Variants in NSD1 observed in about 807,000 individuals in gnomAD.
The protein encoded by NSD1 is nuclear receptor binding SET domain protein 1.
Under a neutral mutation model 242.7 loss-of-function variants are expected in NSD1, and 26 were observed. That is an observed-to-expected ratio of 0.11 (90% CI 0.08 to 0.15). NSD1 has a LOEUF of 0.15. Ranked by LOEUF, NSD1 falls within the 10% of genes least tolerant of loss-of-function variation. The pLI, the probability that NSD1 is intolerant of heterozygous loss-of-function variation, is 1.00. For synonymous variants in NSD1, 1,106 were observed against 1,178.1 expected (o/e 0.94, Z 1.25); for missense variants, 2,495 against 3,272.8 (o/e 0.76, Z 5.80).
intron 12 of NSD1, among the ~76,000 whole-genome samples, chr5:177,253,086 G>A (rs1362102380): frequency 2.6e-5 from 4 of 152,132 alleles, no homozygotes; most frequent in Non-Finnish European, 4.4e-5. Flanking sequence ...AAGATACTAA[G>A]GAGGTTCTGG....
intron 8 of NSD1, among the ~76,000 whole-genome samples, chr5:177,243,351 A>G (rs1251287472): frequency 6.6e-6 from 1 of 151,762 alleles, no homozygotes; most frequent in Non-Finnish European, 1.5e-5. Context: ...CACCTAGCTA[A>G]TTTTTGTATA....
intron 17 of NSD1, among the ~76,000 whole-genome samples, chr5:177,275,654 C>T (rs982904049): frequency 4.6e-5 from 7 of 151,692 alleles, no homozygotes; most frequent in Admixed American, 3.3e-4. Context: ...AGGATGGTCT[C>T]GATCTCCTGA....
chr5:177,265,057 C>G, intron 14 of NSD1: 2 of 758,184 alleles, frequency 2.6e-6, no homozygotes, highest in Middle Eastern at 2.6e-4. Flanking sequence ...TTAAGCACTC[C>G]TAAGAGCCAA....
chr5:177,294,992 C>T lies in NSD1; in HGVS notation c.7624C>T (p.Pro2542Ser), dbSNP rs1760151707. Residue 2542 changes from proline (P) to serine (S), a missense_variant, in exon 23 of 23, where the codon CCT becomes TCT. Around this residue, in one of 19 missense-constraint regions of NSD1, gnomAD observed 475 missense variants for 563.7 expected, o/e 0.84. Transcript: ENST00000439151. The part of the protein sequence containing the change: ...SLTQARLLSQ[P>S]PAKAFLYEPT... ...CACCCAGGCCAGACTTCTTTCTCAG[C>T]CTCCTGCCAAGGCCTTTTTATATGA... is the stretch of plus-strand genomic sequence containing the variant. The T allele has an allele frequency of 6.2e-7, 1 of 1,614,142 alleles. No homozygotes were observed. Among genetic ancestry groups the T allele is most frequent in the Non-Finnish European group, 8.5e-7 (1 of 1,180,044 alleles).
At position 177,246,663 on chromosome 5, in the gene NSD1, A is replaced by G. The variant is rs143520065; in HGVS notation, c.4379-15A>G. On this transcript the variant is annotated splice_polypyrimidine_tract_variant and intron_variant, in intron 9 of 22. Transcript: ENST00000439151. The stretch of plus-strand genomic sequence containing the variant: ...TGTTAGTAGCCAGCAGTTAACACCT[A>G]TTTTCCTGTCATAGGCACTACCAAG... 96 of 1,584,710 alleles carry G rather than the reference A, an allele frequency of 6.1e-5. No individual in the cohort carries two copies. The African/African-American group carries it at 1.1e-3, about 19-fold the overall frequency.
At chr5:177,204,415 G>T in intron 4 of NSD1, 123 bp downstream of exon 4, 3 of 902,718 alleles carry the variant, frequency 3.3e-6, no homozygotes, top group Non-Finnish European at 5.2e-6. Flanking sequence ...GTACAGTGGT[G>T]CAATCTTTGT....
At chr5:177,244,509 G>C (rs971000877) in intron 9 of NSD1, among the ~76,000 whole-genome samples, 1 of 152,146 alleles carries the variant, frequency 6.6e-6, no homozygotes. Context: ...CAGAGAGTTA[G>C]GTTATTATCT....
At chr5:177,142,679 T>G (rs1756924654) in intron 2 of NSD1, among the ~76,000 whole-genome samples, 1 of 152,200 alleles carries the variant, frequency 6.6e-6, no homozygotes, top group Non-Finnish European at 1.5e-5. Context: ...GCCCTCAGTT[T>G]CTCCCTTTAT....
At chr5:177,198,457 G>A (rs1373691472) in intron 3 of NSD1, among the ~76,000 whole-genome samples, 3 of 152,138 alleles carry the variant, frequency 2.0e-5, no homozygotes, top group Non-Finnish European at 2.9e-5. Context: ...GGCAGAGAGC[G>A]AAAGTACTCA....
At chr5:177,239,292 CTCTAT>C (rs1269351997) in intron 7 of NSD1, among the ~76,000 whole-genome samples, 1 of 152,184 alleles carries the variant, frequency 6.6e-6, no homozygotes, top group Non-Finnish European at 1.5e-5. Flanking sequence ...TGTGCCAAAA[CTCTAT>C]TAAGTCAGCT....
In NSD1 at chr5:177,191,906, C is replaced by T. The variant is rs967342981; in HGVS notation, c.950C>T (p.Thr317Met). The T allele has an allele frequency of 6.8e-6, 11 of 1,613,924 alleles. No homozygotes were observed. Among genetic ancestry groups the T allele is most frequent in the African/African-American group, 2.7e-5 (2 of 74,910 alleles). Reference sequence around the variant, plus strand: ...AAGTGTCAACCTAAGAAAAAGTCTACGCCACTGAAGTATGAAGTTGGAGAT... The same window carrying T: ...AAGTGTCAACCTAAGAAAAAGTCTATGCCACTGAAGTATGAAGTTGGAGAT... ...LPFCQPKKKS[T>M]PLKYEVGDLI... is the part of the protein sequence containing the mutation. The change falls in exon 3 of 23, where the codon ACG becomes ATG. Residue 317 changes from threonine to methionine, a missense_variant. This residue lies in a region of NSD1 where 376 missense variants were observed against 367.4 expected (regional missense o/e 1.02). Transcript: ENST00000439151.
intron 14 of NSD1, among the ~76,000 whole-genome samples, chr5:177,262,868 T>A (rs1355698419): frequency 1.3e-5 from 2 of 152,246 alleles, no homozygotes; most frequent in African/African-American, 4.8e-5. Flanking sequence ...CAGAAAGTCA[T>A]CCCTATGCTC....
At chr5:177,258,645 A>T (rs995535410) in intron 13 of NSD1, among the ~76,000 whole-genome samples, 4 of 151,174 alleles carry the variant, frequency 2.6e-5, no homozygotes. Context: ...AAATGATTCT[A>T]CTGTCTCAGC....
intron 16 of NSD1, among the ~76,000 whole-genome samples, chr5:177,273,187 G>A (rs575422553): frequency 6.6e-6 from 1 of 152,080 alleles, no homozygotes; most frequent in Non-Finnish European, 1.5e-5. Context: ...AAGTCATTTA[G>A]TTGTTTATTG....
rs1353450334 is a variant in NSD1, at chr5:177,209,892, G to A, written c.1493G>A (p.Arg498Gln). The A allele has an allele frequency of 3.7e-6, 6 of 1,613,990 alleles. No individual in the cohort carries two copies. Among genetic ancestry groups the A allele is most frequent in the East Asian group, 2.2e-5 (1 of 44,894 alleles). The change falls in exon 5 of 23, where the codon CGA becomes CAA. Residue 498 changes from arginine (R) to glutamine (Q), a missense_variant. Around this residue, in one of 19 missense-constraint regions of NSD1, gnomAD observed 515 missense variants for 467.0 expected, o/e 1.10. Transcript: ENST00000439151. ...DEKEKPCAKSRARKSSDNPKR... is the reference protein window; with the variant it reads ...DEKEKPCAKSQARKSSDNPKR... Reference sequence around the variant, plus strand: ...AAGGAAAAGCCTTGCGCTAAATCTCGAGCCAGAAAGAGCTCTGATAATCCA... The same window carrying A: ...AAGGAAAAGCCTTGCGCTAAATCTCAAGCCAGAAAGAGCTCTGATAATCCA...
chr5:177,250,236 T>G (rs1451878215), intron 11 of NSD1, among the ~76,000 whole-genome samples: 2 of 152,242 alleles, frequency 1.3e-5, no homozygotes, highest in African/African-American at 4.8e-5. Flanking sequence ...AACAACAGTC[T>G]TAATCCTCAA....
Position 177,283,894 on chromosome 5 carries a change from T to C in NSD1, c.6117T>C (p.Arg2039=), listed in dbSNP as rs1307127304. Residue 2039 remains arginine (R), a synonymous_variant, in exon 20 of 23, where the codon CGT becomes CGC. Transcript: ENST00000439151. ...TQKWSVNGDT[R]VGLFALSDIK... The stretch of plus-strand genomic sequence containing the variant: ...AGTGGTCTGTGAATGGAGATACCCG[T>C]GTAGGCCTTTTTGCACTAAGTGACA... 3 of 1,614,076 alleles carry C rather than the reference T, an allele frequency of 1.9e-6. No homozygotes were observed. The highest frequency in any genetic ancestry group is 1.7e-6 in the Non-Finnish European group (2 of 1,180,018).
chr5:177,207,267 T>A (rs1762951423), intron 4 of NSD1, among the ~76,000 whole-genome samples: 1 of 151,526 alleles, frequency 6.6e-6, no homozygotes, highest in African/African-American at 2.4e-5. Flanking sequence ...TAATTATTTA[T>A]TTTTTAATTT....
intron 3 of NSD1, among the ~76,000 whole-genome samples, chr5:177,201,122 G>A (rs945231934): frequency 6.6e-6 from 1 of 152,018 alleles, no homozygotes; most frequent in South Asian, 2.1e-4. Flanking sequence ...CCTGACCTCT[G>A]GTGATCTGCC....
Sources: gnomAD v4.1 joint callset for allele counts (sites outside exome capture counted in the v4.1 genomes callset) on GRCh38, gnomAD v4.1.1 for gene constraint, gnomAD v4.1.1 regional missense constraint, MANE v1.5 for transcripts, NCBI Gene and HGNC (gene_info 2026-07-23, HGNC 2026-07-21) for gene names.